DLG2: variants seen among roughly 807,000 people sequenced by gnomAD.
DLG2 encodes the protein disks large homolog 2.
Under a neutral mutation model 132.5 loss-of-function variants are expected in DLG2, and 45 were observed. That is an observed-to-expected ratio of 0.34 (90% CI 0.27 to 0.44). DLG2 has a LOEUF of 0.44. Among genes scored for constraint, DLG2 ranks in the 20% least tolerant of loss-of-function variants. The pLI, the probability that DLG2 is intolerant of heterozygous loss-of-function variation, is 1.00. For synonymous variants in DLG2, 424 were observed against 419.6 expected (o/e 1.01, Z -0.13); for missense variants, 1,045 against 1,196.9 (o/e 0.87, Z 1.87).
rs79669756 is a variant in DLG2, at chr11:83,783,209, T to C, written c.1825+3481A>G. ...CTCTTCAAATTGGTGTCAATTCTAC[T>C]ACCATGAACCAGACACTGAATAAGA... On this transcript the variant is annotated intron_variant, in intron 18 of 27. Transcript: ENST00000376104. 8.8e-3 allele frequency among the ~76,000 whole-genome samples: 1,341 copies of C among 152,286 alleles called. 22 individuals carry two copies. Among genetic ancestry groups the C allele is most frequent in the African/African-American group, 0.031 (1,294 of 41,560 alleles).
chr11:83,770,906 A>T (rs961314145), intron 18 of DLG2, among the ~76,000 whole-genome samples: 1 of 152,218 alleles, frequency 6.6e-6, no homozygotes, highest in Non-Finnish European at 1.5e-5. Context: ...TAAGAAAATT[A>T]AACATCCATA....
At chr11:84,178,034 C>A (rs1401851872) in intron 8 of DLG2, among the ~76,000 whole-genome samples, 3 of 151,714 alleles carry the variant, frequency 2.0e-5, no homozygotes, top group Non-Finnish European at 4.4e-5. Flanking sequence ...TGTTAGTTAA[C>A]AACTGTGAGA....
At chr11:85,485,860 C>T (rs1323040978) in intron 3 of DLG2, among the ~76,000 whole-genome samples, 1 of 152,184 alleles carries the variant, frequency 6.6e-6, no homozygotes, top group Admixed American at 6.5e-5. Flanking sequence ...GAGAACTTTG[C>T]TGCTTAGAAT....
chr11:84,866,552 ACTGGCTATTTGAGC>A lies in DLG2; in HGVS notation c.357+245095_357+245108del, dbSNP rs149680795. Among the ~76,000 whole-genome samples the A allele has an allele frequency of 3.2e-3, 491 of 152,286 alleles. 6 individuals carry two copies. In the East Asian group the frequency reaches 0.051, roughly 16 times the overall value. ...TAGGTAGAGTCTTGTCTTGCTACTT[ACTGGCTATTTGAGC>A]CTGGCTATTTGAGCCTGGAATCACT... On this transcript the variant is annotated intron_variant, in intron 6 of 27. Transcript: ENST00000376104.
At chr11:85,597,989 C>T (rs1441453234) in intron 3 of DLG2, among the ~76,000 whole-genome samples, 1 of 148,058 alleles carries the variant, frequency 6.8e-6, no homozygotes, top group South Asian at 2.1e-4. Flanking sequence ...GCTATTTGCA[C>T]AAATATAAGA....
At chr11:85,553,654 TA>T (rs1222975877) in intron 3 of DLG2, among the ~76,000 whole-genome samples, 3 of 151,602 alleles carry the variant, frequency 2.0e-5, no homozygotes, top group African/African-American at 7.3e-5. Context: ...GAAATGTTAA[TA>T]ATCAACATTC....
At chr11:84,366,304 C>T (rs2098681918) in intron 7 of DLG2, among the ~76,000 whole-genome samples, 1 of 151,866 alleles carries the variant, frequency 6.6e-6, no homozygotes, top group South Asian at 2.1e-4. Context: ...ACAAGAGCTC[C>T]TGAAGGAAGC....
intron 9 of DLG2, among the ~76,000 whole-genome samples, chr11:84,122,122 A>G (rs2093952681): frequency 6.6e-6 from 1 of 151,620 alleles, no homozygotes; most frequent in South Asian, 2.1e-4. Flanking sequence ...GGAGTTTGAG[A>G]CCAGCCTGGC....
At chr11:85,500,129 T>C (rs1258147288) in intron 3 of DLG2, among the ~76,000 whole-genome samples, 1 of 152,096 alleles carries the variant, frequency 6.6e-6, no homozygotes, top group Admixed American at 6.6e-5. Context: ...CAAAGTGTAT[T>C]CAAATAGGAA....
intron 9 of DLG2, among the ~76,000 whole-genome samples, chr11:84,139,210 A>G (rs999903283): frequency 6.6e-5 from 10 of 151,956 alleles, no homozygotes; most frequent in African/African-American, 2.4e-4. Flanking sequence ...TTCATTTCCT[A>G]TTCACAGCAT....
At chr11:84,275,537 A>G (rs1005853895) in intron 7 of DLG2, among the ~76,000 whole-genome samples, 2 of 152,124 alleles carry the variant, frequency 1.3e-5, no homozygotes, top group African/African-American at 2.4e-5. Flanking sequence ...TTGTATTTTT[A>G]GTAGAGATGG....
intron 8 of DLG2, among the ~76,000 whole-genome samples, chr11:84,180,343 C>T (rs1004678855): frequency 1.3e-5 from 2 of 151,856 alleles, no homozygotes; most frequent in African/African-American, 4.8e-5. Context: ...AGACAAGACA[C>T]AGAACAAAAT....
chr11:84,200,889 G>A (rs2096583310), intron 8 of DLG2, among the ~76,000 whole-genome samples: 1 of 151,906 alleles, frequency 6.6e-6, no homozygotes, highest in African/African-American at 2.4e-5. Context: ...CACTTTTTTT[G>A]CAAACAAGAT....
At chr11:83,549,357 T>TCTGAGTGACAGA (rs1191431995) in intron 19 of DLG2, among the ~76,000 whole-genome samples, 2 of 152,080 alleles carry the variant, frequency 1.3e-5, no homozygotes, top group African/African-American at 4.8e-5. Context: ...ACTGAGAAAA[T>TCTGAGTGACAGA]AAGTGGAGTA....
intron 6 of DLG2, among the ~76,000 whole-genome samples, chr11:85,043,678 GAAGA>G (rs1228331697): frequency 2.0e-5 from 3 of 151,600 alleles, no homozygotes; most frequent in Non-Finnish European, 4.4e-5. Context: ...AAAACAAACA[GAAGA>G]AATGACAGAA....
At chr11:84,097,463 C>A (rs1252782759) in intron 10 of DLG2, among the ~76,000 whole-genome samples, 1 of 152,114 alleles carries the variant, frequency 6.6e-6, no homozygotes, top group Non-Finnish European at 1.5e-5. Context: ...TAACTGCCAC[C>A]CCCCACTCCA....
intron 18 of DLG2, among the ~76,000 whole-genome samples, chr11:83,765,814 C>T (rs2094117661): frequency 6.6e-6 from 1 of 152,110 alleles, no homozygotes; most frequent in Admixed American, 6.6e-5. Context: ...AAACTGTTGC[C>T]TTTGTGCACC....
intron 18 of DLG2, among the ~76,000 whole-genome samples, chr11:83,724,255 A>T (rs1487192794): frequency 6.6e-6 from 1 of 152,190 alleles, no homozygotes; most frequent in East Asian, 1.9e-4. Context: ...TTCAACATTC[A>T]AGTCTGTCTG....
chr11:85,431,669 A>G (rs1195014440), intron 3 of DLG2, among the ~76,000 whole-genome samples: 3 of 152,246 alleles, frequency 2.0e-5, no homozygotes, highest in Non-Finnish European at 4.4e-5. Context: ...CTGATTTCCC[A>G]GAGCCTGAGC....
Sources: allele counts gnomAD v4.1 joint callset (sites outside exome capture counted in the v4.1 genomes callset), GRCh38; gene constraint gnomAD v4.1.1; transcripts MANE v1.5; gene names NCBI Gene and HGNC (gene_info 2026-07-23, HGNC 2026-07-21).